Variants in EYS observed in about 807,000 individuals in gnomAD.
EYS encodes the protein EGF-like photoreceptor maintenance factor, also known as protein eyes shut homolog.
EYS carries 250 observed loss-of-function variants against 282.1 expected under a neutral mutation model. That is an observed-to-expected ratio of 0.89 (90% CI 0.80 to 0.98). The LOEUF is 0.98. Among genes scored for constraint, EYS ranks in the 50% least tolerant of loss-of-function variants. EYS has a pLI of 0.00. For synonymous variants in EYS, 1,355 were observed against 1,282.9 expected (o/e 1.06, Z -1.20); for missense variants, 4,016 against 3,709.0 (o/e 1.08, Z -2.15).
chr6:65,008,657 C>A (rs989005545), intron 13 of EYS, among the ~76,000 whole-genome samples: 4 of 152,198 alleles, frequency 2.6e-5, no homozygotes, highest in African/African-American at 7.2e-5. Flanking sequence ...TCAAGGGAAT[C>A]ACTGGAAGGC....
intron 37 of EYS, among the ~76,000 whole-genome samples, chr6:63,794,445 T>C (rs1250237072): frequency 6.6e-6 from 1 of 152,230 alleles, no homozygotes; most frequent in Admixed American, 6.5e-5. Flanking sequence ...TTGATCCAAC[T>C]AAAAAATTTT....
At chr6:64,912,425 A>T in intron 16 of EYS, 59 bp downstream of exon 16, 1 of 1,490,680 alleles carries the variant, frequency 6.7e-7, no homozygotes, top group Non-Finnish European at 9.1e-7. Flanking sequence ...TAGGCACAAT[A>T]AATACACAAA....
chr6:64,891,130 CA>C (rs1169164721), intron 18 of EYS, among the ~76,000 whole-genome samples: 1 of 150,756 alleles, frequency 6.6e-6, no homozygotes, highest in Non-Finnish European at 1.5e-5. Context: ...TCCATTTGGA[CA>C]TTTTCTGAAT....
intron 12 of EYS, among the ~76,000 whole-genome samples, chr6:65,280,568 C>T (rs1024383918): frequency 6.6e-6 from 1 of 151,872 alleles, no homozygotes; most frequent in Non-Finnish European, 1.5e-5. Context: ...GTAATTTTTT[C>T]TTATGAATTT....
At chr6:65,267,290 A>T (rs966962998) in intron 12 of EYS, among the ~76,000 whole-genome samples, 9 of 152,054 alleles carry the variant, frequency 5.9e-5, no homozygotes, top group African/African-American at 7.2e-5. Context: ...TCTAGACTGT[A>T]ATAACGTTCC....
At chr6:64,647,792 T>C (rs1236701139) in intron 22 of EYS, among the ~76,000 whole-genome samples, 1 of 152,212 alleles carries the variant, frequency 6.6e-6, no homozygotes, top group African/African-American at 2.4e-5. Flanking sequence ...TTATTCTTTA[T>C]TGGCAAAATT....
intron 22 of EYS, among the ~76,000 whole-genome samples, chr6:64,799,549 A>T (rs1313289266): frequency 6.6e-6 from 1 of 151,608 alleles, no homozygotes; most frequent in Admixed American, 6.6e-5. Context: ...CATCTAACAA[A>T]TATTCATTAA....
rs368079889 is a variant in EYS at position 64,954,830 on chromosome 6, T to C, written c.2260-8916A>G. ...AACCAAAAATCAGTACATACAAAAA[T>C]CAGTAGTATTTCTATATGCCAAAAG... On this transcript the variant is annotated intron_variant, in intron 14 of 42. Transcript: ENST00000503581. 6.6e-5 allele frequency among the ~76,000 whole-genome samples: 10 copies of C among 152,064 alleles called. No homozygotes were observed. In the South Asian group the frequency reaches 1.0e-3, roughly 16 times the overall value.
chr6:65,530,309 C>A (rs1315187544), intron 2 of EYS, among the ~76,000 whole-genome samples: 1 of 152,136 alleles, frequency 6.6e-6, no homozygotes, highest in African/African-American at 2.4e-5. Context: ...TTTGACCCAG[C>A]TCCAAAGTAG....
chr6:63,757,835 T>C (rs981645035), intron 41 of EYS, among the ~76,000 whole-genome samples: 1 of 152,188 alleles, frequency 6.6e-6, no homozygotes, highest in Admixed American at 6.6e-5. Flanking sequence ...CCTGAGTAGG[T>C]TCTCCACAAA....
chr6:64,305,378 AT>A (rs201360585), intron 30 of EYS, among the ~76,000 whole-genome samples: 4,715 of 152,212 alleles, frequency 0.031, 231 homozygotes, highest in African/African-American at 0.11. Flanking sequence ...AAATAAAAAA[AT>A]AATCCACTTA....
chr6:64,550,960 C>T (rs1765056850), intron 26 of EYS, among the ~76,000 whole-genome samples: 1 of 151,990 alleles, frequency 6.6e-6, no homozygotes, highest in Non-Finnish European at 1.5e-5. Flanking sequence ...GCTTTTAATT[C>T]TAATAGTAAT....
At chr6:65,288,748 C>T (rs1768439827) in intron 12 of EYS, among the ~76,000 whole-genome samples, 1 of 150,974 alleles carries the variant, frequency 6.6e-6, no homozygotes, top group Admixed American at 6.6e-5. Context: ...ACAATGTCTC[C>T]TGCTATTTTA....
rs576676458 is a variant in EYS at position 63,970,045 on chromosome 6, G to A, written c.7055+14338C>T. Among the ~76,000 whole-genome samples the A allele has an allele frequency of 3.9e-5, 6 of 152,254 alleles. No homozygotes were observed. The East Asian group carries it at 1.2e-3, about 29-fold the overall frequency. The stretch of plus-strand genomic sequence containing the variant: ...CAGACCCCCGCTACGAGTGGAGATG[G>A]CCATGGGTTATTGGGTTGGAGAGAA... On this transcript the variant is annotated intron_variant, in intron 35 of 42. Transcript: ENST00000503581.
chr6:64,170,410 G>A (rs898715819), intron 31 of EYS, among the ~76,000 whole-genome samples: 2 of 151,996 alleles, frequency 1.3e-5, no homozygotes, highest in African/African-American at 2.4e-5. Flanking sequence ...CATAGTTACT[G>A]AGGCTAGAAG....
At chr6:65,207,996 T>C (rs553038315) in intron 12 of EYS, among the ~76,000 whole-genome samples, 1 of 151,528 alleles carries the variant, frequency 6.6e-6, no homozygotes, top group East Asian at 1.9e-4. Context: ...AAATGCAACA[T>C]AAACAAAAAT....
intron 35 of EYS, among the ~76,000 whole-genome samples, chr6:63,880,406 G>A (rs1444478107): frequency 2.0e-5 from 3 of 151,368 alleles, no homozygotes; most frequent in African/African-American, 4.9e-5. Flanking sequence ...AGCCTATTGT[G>A]GGACCTTGTG....
intron 29 of EYS, among the ~76,000 whole-genome samples, chr6:64,383,941 T>C (rs956050953): frequency 6.6e-6 from 1 of 152,220 alleles, no homozygotes; most frequent in Non-Finnish European, 1.5e-5. Flanking sequence ...ACTAGATACA[T>C]ATAATGTCTC....
intron 5 of EYS, among the ~76,000 whole-genome samples, chr6:65,409,595 A>G (rs967483239): frequency 6.6e-6 from 1 of 152,194 alleles, no homozygotes; most frequent in Admixed American, 6.6e-5. Context: ...TAAAAATGAT[A>G]TACGTGGACT....
Sources: allele counts gnomAD v4.1 joint callset (sites outside exome capture counted in the v4.1 genomes callset), GRCh38; gene constraint gnomAD v4.1.1; transcripts MANE v1.5; gene names NCBI Gene and HGNC (gene_info 2026-07-23, HGNC 2026-07-21).